Variants in BNC2 observed in about 807,000 individuals in gnomAD.
The protein encoded by BNC2 is basonuclin zinc finger protein 2, also known as zinc finger protein basonuclin-2.
A neutral mutation model predicts 76.3 loss-of-function variants in BNC2; 20 were observed. The observed-to-expected ratio is 0.26, with a 90% confidence interval of 0.18 to 0.38. BNC2 has a LOEUF of 0.38. Ranked by LOEUF, BNC2 falls within the 10% of genes least tolerant of loss-of-function variation. BNC2 has a pLI of 1.00. For synonymous variants in BNC2, 582 were observed against 514.8 expected (o/e 1.13, Z -1.77); for missense variants, 1,382 against 1,399.8 (o/e 0.99, Z 0.20).
chr9:16,544,644 C>T (rs1052013762), intron 5 of BNC2, among the ~76,000 whole-genome samples: 5 of 151,774 alleles, frequency 3.3e-5, no homozygotes, highest in Non-Finnish European at 1.5e-5. Flanking sequence ...ACTGGTAAAA[C>T]CCCATCTCCA....
intron 4 of BNC2, among the ~76,000 whole-genome samples, chr9:16,561,705 A>C (rs1819021372): frequency 6.6e-6 from 1 of 152,222 alleles, no homozygotes; most frequent in Admixed American, 6.5e-5. Context: ...CAATTTGATT[A>C]TTAAAAGAAT....
intron 5 of BNC2, among the ~76,000 whole-genome samples, chr9:16,508,359 T>A (rs1427641332): frequency 6.6e-6 from 1 of 152,200 alleles, no homozygotes; most frequent in East Asian, 1.9e-4. Context: ...TTGGGTAGAC[T>A]GTATCACCAA....
intron 1 of BNC2, among the ~76,000 whole-genome samples, chr9:16,831,677 C>A (rs968486265): frequency 2.6e-4 from 39 of 152,058 alleles, no homozygotes; most frequent in Non-Finnish European, 7.4e-5. Context: ...TTATAAGATA[C>A]CCATATGAAC....
At chr9:16,847,241 C>G (rs2136132911) in intron 1 of BNC2, among the ~76,000 whole-genome samples, 1 of 152,164 alleles carries the variant, frequency 6.6e-6, no homozygotes, top group African/African-American at 2.4e-5. Context: ...AAGTTTTTGG[C>G]ACTATATGAC....
intron 1 of BNC2, among the ~76,000 whole-genome samples, chr9:16,866,109 T>TA (rs1819537429): frequency 6.6e-6 from 1 of 152,126 alleles, no homozygotes; most frequent in African/African-American, 2.4e-5. Context: ...AACTAGTATA[T>TA]AAATATTAAA....
At chr9:16,639,074 TA>T (rs940886463) in intron 3 of BNC2, among the ~76,000 whole-genome samples, 8 of 152,194 alleles carry the variant, frequency 5.3e-5, no homozygotes, top group Admixed American at 5.2e-4. Flanking sequence ...TGTAATAGGC[TA>T]TTTTCCCTCA....
intron 3 of BNC2, among the ~76,000 whole-genome samples, chr9:16,698,419 G>A (rs556318416): frequency 1.6e-4 from 24 of 152,292 alleles, no homozygotes; most frequent in African/African-American, 5.3e-4. Context: ...GGCCGGGCGC[G>A]GTGGCTCACG....
intron 1 of BNC2, among the ~76,000 whole-genome samples, chr9:16,765,031 T>C (rs367814445): frequency 2.4e-4 from 37 of 152,208 alleles, no homozygotes; most frequent in African/African-American, 8.2e-4. Flanking sequence ...ATATCTTCCA[T>C]CTTGGCTCTT....
At chr9:16,859,941 G>A (rs1819356192) in intron 1 of BNC2, among the ~76,000 whole-genome samples, 1 of 152,072 alleles carries the variant, frequency 6.6e-6, no homozygotes, top group South Asian at 2.1e-4. Context: ...CCAACATGGT[G>A]AAACCCCATC....
At chr9:16,736,859 T>A (rs910665717) in intron 2 of BNC2, among the ~76,000 whole-genome samples, 1 of 151,528 alleles carries the variant, frequency 6.6e-6, no homozygotes, top group African/African-American at 2.4e-5. Flanking sequence ...CAGGCTGGAG[T>A]GCAACGGCAC....
chr9:16,643,297 C>T (rs1821539699), intron 3 of BNC2, among the ~76,000 whole-genome samples: 1 of 119,716 alleles, frequency 8.4e-6, no homozygotes, highest in African/African-American at 3.7e-5. Flanking sequence ...AAGAGCAAGA[C>T]TCTGTCTCAA....
chr9:16,477,786 T>C (rs186089070), intron 5 of BNC2, among the ~76,000 whole-genome samples: 209 of 152,310 alleles, frequency 1.4e-3, no homozygotes, highest in African/African-American at 4.9e-3. Context: ...TTTTCTTGAA[T>C]GCTTTCAAAA....
intron 1 of BNC2, among the ~76,000 whole-genome samples, chr9:16,795,508 G>A (rs566669276): frequency 1.3e-5 from 2 of 152,034 alleles, no homozygotes; most frequent in South Asian, 2.1e-4. Flanking sequence ...AAGGCCAGAC[G>A]GCCATGCAAT....
intron 1 of BNC2, among the ~76,000 whole-genome samples, chr9:16,750,325 T>C (rs1319515282): frequency 6.6e-6 from 1 of 152,210 alleles, no homozygotes; most frequent in Admixed American, 6.5e-5. Flanking sequence ...AAATTAAAAA[T>C]GGCTGAACAC....
chr9:16,758,190 T>C (rs1332307486), intron 1 of BNC2, among the ~76,000 whole-genome samples: 2 of 149,984 alleles, frequency 1.3e-5, no homozygotes, highest in Admixed American at 1.4e-4. Context: ...GCTCTCTTAC[T>C]ATTCTTCCAT....
In BNC2 at chr9:16,609,423, C is replaced by A. The variant is rs10124351; in HGVS notation, c.331-26338G>T. Among the ~76,000 whole-genome samples the A allele has an allele frequency of 6.6e-3, 1,004 of 152,240 alleles. 9 individuals carry two copies. The highest frequency in any genetic ancestry group is 0.022 in the African/African-American group (913 of 41,534). ...GGAGGTGAACTGAGATAGGAATCTA[C>A]AGGCCCAAAGGTGAAAGCTTGAGCT... On this transcript the variant is annotated intron_variant, in intron 3 of 6. Transcript: ENST00000380672.
intron 5 of BNC2, among the ~76,000 whole-genome samples, chr9:16,508,047 G>T (rs1361785765): frequency 6.6e-6 from 1 of 152,160 alleles, no homozygotes; most frequent in South Asian, 2.1e-4. Context: ...AAGAAGATAA[G>T]CAAGAAATAC....
intron 3 of BNC2, among the ~76,000 whole-genome samples, chr9:16,710,764 A>G (rs1218836526): frequency 1.3e-5 from 2 of 150,274 alleles, no homozygotes; most frequent in Non-Finnish European, 3.0e-5. Flanking sequence ...AACTCACCTA[A>G]GGGGTTAAAA....
chr9:16,582,149 A>G (rs1819644693), intron 4 of BNC2, among the ~76,000 whole-genome samples: 1 of 152,150 alleles, frequency 6.6e-6, no homozygotes, highest in South Asian at 2.1e-4. Flanking sequence ...CTGTCAAAAA[A>G]TCTCAAGCCA....
Sources: gnomAD v4.1 joint callset for allele counts (sites outside exome capture counted in the v4.1 genomes callset) on GRCh38, gnomAD v4.1.1 for gene constraint, MANE v1.5 for transcripts, NCBI Gene and HGNC (gene_info 2026-07-23, HGNC 2026-07-21) for gene names.